Variants in GFPT2 observed in about 807,000 individuals in gnomAD.
GFPT2 encodes the protein glutamine--fructose-6-phosphate transaminase 2.
A neutral mutation model predicts 85.6 loss-of-function variants in GFPT2; 62 were observed. That is an observed-to-expected ratio of 0.72 (90% confidence interval 0.59 to 0.90). The LOEUF is 0.90. Among genes scored for constraint, GFPT2 ranks in the 40% least tolerant of loss-of-function variants. The probability of loss-of-function intolerance (pLI) is 0.00; values close to 1 mark genes in which losing one functional copy is unlikely to be tolerated. For missense variants in GFPT2, 788 were observed against 893.4 expected (o/e 0.88, Z 1.50); for synonymous variants, 368 against 344.5 (o/e 1.07, Z -0.75).
Position 180,330,835 on chromosome 5 carries a change from C to T in GFPT2, c.400-1G>A. The T allele has an allele frequency of 6.2e-7, 1 of 1,613,868 alleles. No homozygotes were observed. Among genetic ancestry groups the T allele is most frequent in the Non-Finnish European group, 8.5e-7 (1 of 1,179,802 alleles). ...ACTCAAACTCGTAGCCTTTGCTTTCCTGGAATATGCAGTCGGCACAGTGTG... is the reference window on the plus strand; with the variant it reads ...ACTCAAACTCGTAGCCTTTGCTTTCTTGGAATATGCAGTCGGCACAGTGTG... On this transcript the variant is annotated splice_acceptor_variant, in intron 5 of 18. Coordinates refer to ENST00000253778, the MANE Select transcript of GFPT2 (RefSeq NM_005110.4). LOFTEE classifies it high-confidence loss of function. This position sits in a 1 kb window ranked among gnomAD's most constrained non-coding sequence, Gnocchi z 4.4.
At chr5:180,341,549 T>C (rs1034123692) in intron 1 of GFPT2, among the ~76,000 whole-genome samples, 2 of 152,256 alleles carry the variant, frequency 1.3e-5, no homozygotes, top group African/African-American at 4.8e-5. Context: ...ACTTAAATTC[T>C]TACTGAAAGC....
intron 4 of GFPT2, among the ~76,000 whole-genome samples, chr5:180,335,289 C>T (rs62404950): frequency 0.14 from 21,014 of 152,258 alleles, 1,754 homozygotes; most frequent in East Asian, 0.19. Context: ...GGCTGCGGCC[C>T]CTACTTCTCC....
At chr5:180,331,795 T>C (rs1581383168) in intron 4 of GFPT2, 2 of 522,278 alleles carry the variant, frequency 3.8e-6, no homozygotes, top group South Asian at 2.0e-5. Context: ...GAAATACACA[T>C]CCCTCTTTCA....
At chr5:180,336,837 G>T (rs924859208) in intron 2 of GFPT2, among the ~76,000 whole-genome samples, 7 of 152,216 alleles carry the variant, frequency 4.6e-5, no homozygotes, top group African/African-American at 1.7e-4. Flanking sequence ...GAGCCCCTCG[G>T]GACACTTCCC....
chr5:180,319,707 C>T (rs1010941135), intron 9 of GFPT2, among the ~76,000 whole-genome samples: 7 of 152,116 alleles, frequency 4.6e-5, no homozygotes, highest in African/African-American at 1.7e-4. Context: ...AGACATCACC[C>T]GCCTCCTGAT....
At chr5:180,310,551 C>T (rs1372132938) in intron 15 of GFPT2, among the ~76,000 whole-genome samples, 4 of 151,914 alleles carry the variant, frequency 2.6e-5, no homozygotes, top group African/African-American at 9.7e-5. Flanking sequence ...GCTGGGATTA[C>T]AGGCACCTGC....
chr5:180,301,667 T>C, intron 18 of GFPT2, 59 bp from the exon 19 acceptor site: 1 of 1,351,030 alleles, frequency 7.4e-7, no homozygotes, highest in African/African-American at 1.4e-5. Flanking sequence ...ATGCTACCTC[T>C]CACAGACAAT....
chr5:180,321,901 A>G (rs28719732), intron 9 of GFPT2, among the ~76,000 whole-genome samples: 1,657 of 152,062 alleles, frequency 0.011, 25 homozygotes, highest in African/African-American at 0.038. Flanking sequence ...CTCCTGCCTC[A>G]GCCTCCCGAG....
rs1382156197 is a variant in GFPT2, at chr5:180,330,637, G to A, written c.534+63C>T. The A allele has an allele frequency of 4.9e-6, 7 of 1,415,386 alleles. No individual in the cohort carries two copies. The allele number at this position is 1,415,386 out of a possible 1,614,324, so 87.7% of individuals were successfully genotyped here. The stretch of plus-strand genomic sequence containing the variant: ...AAGGATTCCTTGGCACTTGCTGCTT[G>A]AAAAAAATGTTTTTAATGAAAGAAT... On this transcript the variant is annotated intron_variant, in intron 6 of 18. Coordinates refer to ENST00000253778, the MANE Select transcript of GFPT2 (RefSeq NM_005110.4). The surrounding 1 kb of genome is among the most constrained non-coding windows in gnomAD (Gnocchi z 4.4).
chr5:180,322,618 T>C lies in GFPT2; in HGVS notation c.794+1570A>G, dbSNP rs539156119. ...CCAGGATATAGGATTTCCACACCTT[T>C]ACTCCCAGCTGCTAGTACTATCAGT... On this transcript the variant is annotated intron_variant, in intron 9 of 18. Coordinates refer to ENST00000253778, the MANE Select transcript of GFPT2 (RefSeq NM_005110.4). Among the ~76,000 whole-genome samples the C allele has an allele frequency of 6.6e-5, 10 of 152,346 alleles. No homozygotes were observed. The South Asian group carries it at 2.1e-3, about 32-fold the overall frequency.
At chr5:180,324,568 T>C (rs1236472268) in intron 8 of GFPT2, 1 of 587,750 alleles carries the variant, frequency 1.7e-6, no homozygotes, top group Non-Finnish European at 3.0e-6. Flanking sequence ...CGTTATACAA[T>C]GGCACTTTTG....
intron 1 of GFPT2, chr5:180,352,708 G>T: frequency 2.4e-6 from 1 of 415,288 alleles, no homozygotes; most frequent in South Asian, 1.6e-5. Flanking sequence ...TGACGCAGCG[G>T]GGGCGACCGG....
At chr5:180,343,099 G>A (rs1215072742) in intron 1 of GFPT2, among the ~76,000 whole-genome samples, 2 of 152,098 alleles carry the variant, frequency 1.3e-5, no homozygotes, top group Non-Finnish European at 2.9e-5. Flanking sequence ...AATTATACTT[G>A]TACCACCCTA....
chr5:180,325,987 T>G (rs1764204515), intron 7 of GFPT2, among the ~76,000 whole-genome samples: 2 of 152,176 alleles, frequency 1.3e-5, no homozygotes, highest in South Asian at 4.1e-4. Context: ...ATCGTGCCAC[T>G]GCACTCCAGC....
chr5:180,326,484 A>G (rs921239593), intron 7 of GFPT2, among the ~76,000 whole-genome samples: 5 of 152,060 alleles, frequency 3.3e-5, no homozygotes, highest in East Asian at 1.9e-4. Flanking sequence ...TGCAGTTCCT[A>G]AATTTTTCTT....
chr5:180,310,832 C>CAAAAAAAAAAA (rs3080055), intron 15 of GFPT2, among the ~76,000 whole-genome samples: 2 of 50,582 alleles, frequency 4.0e-5, no homozygotes, highest in African/African-American at 8.5e-5. Context: ...TGGACACAGG[C>CAAAAAAAAAAA]AAAAAAAAAA....
chr5:180,307,820 A>G (rs1763808808), intron 15 of GFPT2, among the ~76,000 whole-genome samples: 1 of 152,242 alleles, frequency 6.6e-6, no homozygotes, highest in South Asian at 2.1e-4. Flanking sequence ...AGATTAGAAA[A>G]TAACACTGAG....
chr5:180,353,090 G>A, intron 1 of GFPT2, 121 bp downstream of exon 1: 1 of 802,002 alleles, frequency 1.2e-6, no homozygotes, highest in East Asian at 3.5e-5. Context: ...GGGGCCCGGG[G>A]CAGATCGGCG....
At chr5:180,345,778 A>T (rs922335590) in intron 1 of GFPT2, among the ~76,000 whole-genome samples, 1 of 152,182 alleles carries the variant, frequency 6.6e-6, no homozygotes, top group African/African-American at 2.4e-5. Context: ...CAGAGAAGGT[A>T]GCCTTTGAGC....
Sources: allele counts gnomAD v4.1 joint callset (sites outside exome capture counted in the v4.1 genomes callset), GRCh38; gene constraint gnomAD v4.1.1; non-coding constraint Gnocchi (gnomAD v3.1); transcripts MANE v1.5; gene names NCBI Gene and HGNC (gene_info 2026-07-23, HGNC 2026-07-21).